FXYD7: variants seen among roughly 807,000 people sequenced by gnomAD.
FXYD7 encodes FXYD domain containing ion transport regulator 7, also known as FXYD domain-containing ion transport regulator 7.
Under a neutral mutation model 15.3 loss-of-function variants are expected in FXYD7, and 7 were observed. The observed-to-expected ratio is 0.46, with a 90% CI of 0.26 to 0.86. The LOEUF (loss-of-function observed/expected upper bound fraction) is 0.86. FXYD7 is among the 40% of genes least tolerant of loss of function. The pLI, the probability that FXYD7 is intolerant of heterozygous loss-of-function variation, is 0.16. For missense variants in FXYD7, 78 were observed against 100.6 expected, an observed-to-expected ratio of 0.78 and a Z score of 0.96; for synonymous variants, 39 against 39.3, an observed-to-expected ratio of 0.99 and a Z score of 0.03.
At chr19:35,145,260 C>T (rs1279412468) in intron 1 of FXYD7, among the ~76,000 whole-genome samples, 1 of 152,234 alleles carries the variant, frequency 6.6e-6, no homozygotes, top group African/African-American at 2.4e-5. Flanking sequence ...CCTGATATCT[C>T]TTTGGCAGCT....
At chr19:35,152,872 A>G (rs964008223) in intron 5 of FXYD7, among the ~76,000 whole-genome samples, 21 of 149,280 alleles carry the variant, frequency 1.4e-4, no homozygotes, top group African/African-American at 4.9e-4. Context: ...GTGGAAATGC[A>G]GCCTTTCTGG....
At chr19:35,151,534 G>T in intron 4 of FXYD7, 52 bp downstream of exon 4, 1 of 1,598,160 alleles carries the variant, frequency 6.3e-7, no homozygotes, top group Non-Finnish European at 8.6e-7. Context: ...TGCCTCCCTA[G>T]CAGATGGGCA....
chr19:35,151,515 G>A (rs778434452), intron 4 of FXYD7, 33 bp downstream of exon 4: 61 of 1,607,036 alleles, frequency 3.8e-5, no homozygotes, highest in Middle Eastern at 1.6e-4. Context: ...GCGGGAGGGG[G>A]CCTCGGGGTG....
intron 1 of FXYD7, among the ~76,000 whole-genome samples, chr19:35,148,099 GAGAGAA>G (rs2065297200): frequency 7.4e-6 from 1 of 135,706 alleles, no homozygotes; most frequent in African/African-American, 2.7e-5. Flanking sequence ...AAGAAAGAGA[GAGAGAA>G]AGAAAGAGGG....
At chr19:35,144,403 C>T (rs78298553) in intron 1 of FXYD7, among the ~76,000 whole-genome samples, 2,177 of 152,290 alleles carry the variant, frequency 0.014, 63 homozygotes, top group African/African-American at 0.05. Flanking sequence ...CTACCGTCGC[C>T]CCCTAATAGC....
At chr19:35,144,625 A>G (rs998107536) in intron 1 of FXYD7, among the ~76,000 whole-genome samples, 1 of 138,212 alleles carries the variant, frequency 7.2e-6, no homozygotes, top group Non-Finnish European at 1.6e-5. Flanking sequence ...CCATATCTGC[A>G]GAATCCGAAG....
rs777409658 is a variant in FXYD7, at chr19:35,153,875, G to T, written c.221-19G>T. On this transcript the variant is annotated intron_variant, in intron 5 of 5. Coordinates refer to ENST00000270310, the MANE Select transcript of FXYD7 (RefSeq NM_022006.2). ...AGTTTCCACCTTTCTAGTGGCTCAC[G>T]CACCCCCTCTCTCCCCAGCCCCTGG... is the stretch of plus-strand genomic sequence containing the variant. The T allele has an allele frequency of 2.5e-6, 4 of 1,611,954 alleles. No individual in the cohort carries two copies. The highest frequency in any genetic ancestry group is 2.2e-5 in the South Asian group (2 of 90,988).
intron 1 of FXYD7, among the ~76,000 whole-genome samples, chr19:35,146,639 A>C (rs2065289829): frequency 6.6e-6 from 1 of 152,242 alleles, no homozygotes; most frequent in Admixed American, 6.5e-5. Context: ...GAATGGAGTC[A>C]GGGCTACCCA....
intron 1 of FXYD7, among the ~76,000 whole-genome samples, chr19:35,148,101 GAGAA>G (rs1424478590): frequency 3.4e-5 from 4 of 117,296 alleles, no homozygotes; most frequent in African/African-American, 1.3e-4. Flanking sequence ...GAAAGAGAGA[GAGAA>G]AGAAAGAGGG....
At chr19:35,144,145 G>T (rs2065280004) in intron 1 of FXYD7, among the ~76,000 whole-genome samples, 2 of 152,040 alleles carry the variant, frequency 1.3e-5, no homozygotes, top group Admixed American at 1.3e-4. Flanking sequence ...ACGGACCCAT[G>T]GGGAGAGAGG....
Position 35,143,519 on chromosome 19 carries a change from C to T in FXYD7, c.31+155C>T, listed in dbSNP as rs899205396. Among the ~76,000 whole-genome samples the T allele has an allele frequency of 2.0e-5, 3 of 152,238 alleles. No individual in the cohort carries two copies. The highest frequency in any genetic ancestry group is 7.2e-5 in the African/African-American group (3 of 41,466). On this transcript the variant is annotated intron_variant, in intron 1 of 5. Transcript: ENST00000270310. This position sits in a 1 kb window ranked among gnomAD's most constrained non-coding sequence, Gnocchi z 4.3. ...GCGGAAGCCCCTGTAATGCGCCCCC[C>T]CGATCGCCCCTCCGGGTCTCTGGGA...
In FXYD7 at chr19:35,148,842, A is replaced by G. The variant is rs765895736; in HGVS notation, c.61+119A>G. 8 of 892,332 alleles carry G rather than the reference A, an allele frequency of 9.0e-6. No homozygotes were observed. The East Asian group carries it at 1.7e-4, about 19-fold the overall frequency. 55.3% of individuals were successfully genotyped at this position (892,332 alleles called of 1,614,324 possible). On this transcript the variant is annotated intron_variant, in intron 2 of 5. Transcript: ENST00000270310. ...TACGTGCTGGGCCACTGGCCACGGG[A>G]CCATATATGTGGGTGTGGTTCACAT...
rs1246006302 is a variant in FXYD7, at chr19:35,143,614, G to A, written c.31+250G>A. Among the ~76,000 whole-genome samples the A allele has an allele frequency of 1.3e-5, 2 of 152,202 alleles. No homozygotes were observed. Among genetic ancestry groups the A allele is most frequent in the East Asian group, 3.9e-4 (2 of 5,176 alleles). ...GAGTGGCAGTCCCGGGAGAAGGGAT[G>A]CTCGGACAGGTCGCTATGGCAACCG... On this transcript the variant is annotated intron_variant, in intron 1 of 5. Transcript: ENST00000270310. The surrounding 1 kb of genome is among the most constrained non-coding windows in gnomAD (Gnocchi z 4.3).
In FXYD7 at chr19:35,153,953, G is replaced by C. The variant is rs200519544; in HGVS notation, c.*37G>C. On this transcript the variant is annotated 3_prime_UTR_variant, in exon 6 of 6. Transcript: ENST00000270310. Reference sequence around the variant, plus strand: ...GGAAACTCCGCTGCCGACCCTGCCTGAGCGCGGGAGCCTGAGGACCGGGTG... The same window carrying C: ...GGAAACTCCGCTGCCGACCCTGCCTCAGCGCGGGAGCCTGAGGACCGGGTG... 9 of 1,603,748 alleles carry C rather than the reference G, an allele frequency of 5.6e-6. No homozygotes were observed. Among genetic ancestry groups the C allele is most frequent in the Non-Finnish European group, 7.7e-6 (9 of 1,173,952 alleles).
At chr19:35,150,969 G>A (rs746474945) in intron 2 of FXYD7, among the ~76,000 whole-genome samples, 5 of 152,246 alleles carry the variant, frequency 3.3e-5, no homozygotes, top group Middle Eastern at 3.4e-3. Context: ...ACCAGGGCCA[G>A]GGAGGAGGTG....
chr19:35,150,003 G>A (rs1014884131), intron 2 of FXYD7, among the ~76,000 whole-genome samples: 11 of 151,960 alleles, frequency 7.2e-5, no homozygotes, highest in Non-Finnish European at 1.3e-4. Context: ...TGCAACTCCC[G>A]CCTCCCAGGT....
chr19:35,154,291 T>A lies in FXYD7; in HGVS notation c.*375T>A. The A allele has an allele frequency of 3.1e-6, 1 of 317,830 alleles. No homozygotes were observed. The highest frequency in any genetic ancestry group is 4.4e-5 in the South Asian group (1 of 22,942). The allele number at this position is 317,830 out of a possible 1,614,324, so 19.7% of individuals were successfully genotyped here. A position where few individuals can be genotyped will look rare whatever the true frequency, so the allele number is the denominator to read the frequency against. ...TTGAGCTTAATAAATGTGCATTTGG[T>A]TTTTTCCTCTGTTCTGTCTGTGTGT... On this transcript the variant is annotated 3_prime_UTR_variant, in exon 6 of 6. Transcript: ENST00000270310.
chr19:35,148,815 GATA>G (rs1568406110), intron 2 of FXYD7, 92 bp downstream of exon 2: 4 of 1,144,734 alleles, frequency 3.5e-6, no homozygotes, highest in Non-Finnish European at 2.7e-6. Context: ...GTGGCCACAC[GATA>G]CGTGCTGGGC....
At chr19:35,147,316 A>T (rs2065291989) in intron 1 of FXYD7, among the ~76,000 whole-genome samples, 1 of 152,204 alleles carries the variant, frequency 6.6e-6, no homozygotes, top group Non-Finnish European at 1.5e-5. Flanking sequence ...GACATCAGGC[A>T]TCACCCTGGC....
Sources: gnomAD v4.1 joint callset for allele counts (sites outside exome capture counted in the v4.1 genomes callset) on GRCh38, gnomAD v4.1.1 for gene constraint, Gnocchi (gnomAD v3.1) non-coding constraint, MANE v1.5 for transcripts, NCBI Gene and HGNC (gene_info 2026-07-23, HGNC 2026-07-21) for gene names.